TAB1: variants seen among roughly 807,000 people sequenced by gnomAD.
The protein encoded by TAB1 is TGF-beta-activated kinase 1 and MAP3K7-binding protein 1.
Under a neutral mutation model 54.5 loss-of-function variants are expected in TAB1, and 30 were observed. That is an observed-to-expected ratio of 0.55 (90% CI 0.41 to 0.75). The LOEUF (loss-of-function observed/expected upper bound fraction) is 0.75, where lower values mean the gene tolerates loss of function less well. Among genes scored for constraint, TAB1 ranks in the 30% least tolerant of loss-of-function variants. The pLI is 0.00. For synonymous variants in TAB1, 289 were observed against 286.9 expected, an observed-to-expected ratio of 1.01 and a Z score of -0.07; for missense variants, 609 against 683.2, an observed-to-expected ratio of 0.89 and a Z score of 1.21.
chr22:39,430,641 CTCA>C lies in TAB1; in HGVS notation c.*420_*422del. On this transcript the variant is annotated 3_prime_UTR_variant, in exon 11 of 11. Transcript: ENST00000216160. ...CACCCCTCCTCCCACCATCACCTCC[CTCA>C]CCTCGGGACAGTAGCCCTCCACTTC... is the stretch of plus-strand genomic sequence containing the variant. 1 of 1,093,994 alleles carries C rather than the reference CTCA, an allele frequency of 9.1e-7. No individual in the cohort carries two copies. The highest frequency in any genetic ancestry group is 2.7e-5 in the South Asian group (1 of 36,974). 67.8% of individuals were successfully genotyped at this position (1,093,994 alleles called of 1,614,324 possible).
chr22:39,399,861 C>T (rs368334794), intron 1 of TAB1, 26 bp downstream of exon 1: 791 of 1,586,664 alleles, frequency 5.0e-4, no homozygotes, highest in Non-Finnish European at 6.3e-4. Flanking sequence ...GCTCTCTGGG[C>T]TTGGGGTTGG....
At chr22:39,412,109 G>A (rs1342558156) in intron 1 of TAB1, among the ~76,000 whole-genome samples, 2 of 152,078 alleles carry the variant, frequency 1.3e-5, no homozygotes, top group East Asian at 1.9e-4. Flanking sequence ...GTGCAATCTC[G>A]GCTCATGGCA....
At chr22:39,421,693 T>C in intron 7 of TAB1, 134 bp from the exon 8 acceptor site, 1 of 972,484 alleles carries the variant, frequency 1.0e-6, no homozygotes, top group Non-Finnish European at 1.5e-6. Flanking sequence ...CTTCTCTTTC[T>C]CTCTTTTCTT....
intron 1 of TAB1, among the ~76,000 whole-genome samples, chr22:39,409,937 A>G (rs1157359533): frequency 6.6e-6 from 1 of 152,174 alleles, no homozygotes; most frequent in Non-Finnish European, 1.5e-5. Context: ...TGCTCAGCAG[A>G]TATTTATTGA....
rs368517909 is a variant in TAB1 at position 39,417,787 on chromosome 22, C to T, written c.488C>T (p.Ser163Leu). 1.1e-5 allele frequency: 17 copies of T among 1,613,260 alleles called. No homozygotes were observed. Among genetic ancestry groups the T allele is most frequent in the African/African-American group, 8.0e-5 (6 of 74,888 alleles). ...ERLKTLEREI[S>L]GGAMAVVAVL... ...CTCAAGACGTTAGAGAGGGAAATTT[C>T]GGGAGGGGCCATGGCCGTTGTGGCG... The change falls in exon 5 of 11, where the codon TCG (serine) becomes TTG (leucine). Residue 163 changes from serine to leucine, a missense_variant. Physicochemically the swap from Ser to Leu is moderately radical, Grantham distance 145 (BLOSUM62 -2). Transcript: ENST00000216160.
At chr22:39,413,723 C>G (rs942121396) in intron 1 of TAB1, among the ~76,000 whole-genome samples, 1 of 152,228 alleles carries the variant, frequency 6.6e-6, no homozygotes, top group Admixed American at 6.5e-5. Flanking sequence ...CTGCACCCAG[C>G]CAATACAAAT....
chr22:39,436,884 AC>A, downstream of TAB1: 1 of 347,444 alleles, frequency 2.9e-6, no homozygotes, highest in South Asian at 4.1e-5. Flanking sequence ...CCTGGTTAGG[AC>A]CCATGTTCTC....
chr22:39,414,620 C>T (rs1926744701), intron 1 of TAB1: 1 of 211,806 alleles, frequency 4.7e-6, no homozygotes, highest in Non-Finnish European at 9.7e-6. Context: ...GTAACCAATG[C>T]TCAAGGGATT....
At chr22:39,409,137 G>T (rs1040579651) in intron 1 of TAB1, among the ~76,000 whole-genome samples, 4 of 152,132 alleles carry the variant, frequency 2.6e-5, no homozygotes, top group African/African-American at 7.2e-5. Flanking sequence ...GCACTTTGGG[G>T]TGCTAAATAT....
chr22:39,429,270 A>G, intron 10 of TAB1: 1 of 985,414 alleles, frequency 1.0e-6, no homozygotes, highest in Non-Finnish European at 1.2e-6. Flanking sequence ...AGGGGGGCGA[A>G]GGAAGGTTTT....
intron 8 of TAB1, among the ~76,000 whole-genome samples, chr22:39,424,495 A>C (rs1601697581): frequency 7.9e-6 from 1 of 125,952 alleles, no homozygotes; most frequent in Admixed American, 1.1e-4. Context: ...GCCAAGCTGG[A>C]GTGCAGTGGT....
intron 1 of TAB1, among the ~76,000 whole-genome samples, chr22:39,408,340 G>A (rs1342430521): frequency 6.6e-6 from 1 of 152,158 alleles, no homozygotes; most frequent in Non-Finnish European, 1.5e-5. Context: ...GCATACAGTG[G>A]TCAGTAGATC....
Position 39,426,937 on chromosome 22 carries a change from G to A in TAB1, c.1144+12G>A. On this transcript the variant is annotated intron_variant, in intron 9 of 10. Transcript: ENST00000216160. ...GAGCCCAGCCCCAGGTACGTGTGCT[G>A]TGCAGACAGGCAGTGCCTGGGGATG... 2 of 1,605,582 alleles carry A rather than the reference G, an allele frequency of 1.2e-6. No homozygotes were observed. The highest frequency in any genetic ancestry group is 1.7e-5 in the Admixed American group (1 of 59,934).
intron 7 of TAB1, among the ~76,000 whole-genome samples, chr22:39,421,131 T>C (rs990390901): frequency 6.6e-6 from 1 of 152,124 alleles, no homozygotes; most frequent in African/African-American, 2.4e-5. Flanking sequence ...GCTGTGCCTA[T>C]TTCATGCATA....
rs766617018 is a variant in TAB1, at chr22:39,426,806, T to G, written c.1025T>G (p.Phe342Cys). 9.9e-6 allele frequency: 16 copies of G among 1,613,896 alleles called. No homozygotes were observed. In the Admixed American group the frequency reaches 1.0e-4, roughly 10 times the overall value. The change falls in exon 9 of 11, where the codon TTC (phenylalanine) becomes TGC (cysteine). Residue 342 changes from phenylalanine (F) to cysteine (C), a missense_variant. Transcript: ENST00000216160. ...DRVKRIHSDT[F>C]ASGGERARFC... ...GTGAAGCGCATCCACAGCGACACCTTCGCCAGTGGTGGGGAGCGTGCCAGG... is the reference window on the plus strand; with the variant it reads ...GTGAAGCGCATCCACAGCGACACCTGCGCCAGTGGTGGGGAGCGTGCCAGG...
chr22:39,436,408 A>G (rs1266763953), downstream of TAB1: 3 of 1,188,496 alleles, frequency 2.5e-6, no homozygotes, highest in East Asian at 2.3e-5. Context: ...AGGTTTAGAA[A>G]GTTGCCCAAG....
chr22:39,405,183 T>G (rs1336042314), intron 1 of TAB1, among the ~76,000 whole-genome samples: 1 of 152,210 alleles, frequency 6.6e-6, no homozygotes. Context: ...GTGGGTACTT[T>G]GTGAACTATT....
chr22:39,426,973 G>C (rs779248138), intron 9 of TAB1, 48 bp downstream of exon 9: 24 of 1,577,900 alleles, frequency 1.5e-5, no homozygotes, highest in Non-Finnish European at 2.1e-5. Context: ...CCATCTGGGG[G>C]CCAGAGGTGG....
intron 1 of TAB1, among the ~76,000 whole-genome samples, chr22:39,401,774 G>A (rs4821893): frequency 0.76 from 116,194 of 152,108 alleles, 45,243 homozygotes; most frequent in East Asian, 1. Context: ...AGGCCCCTCC[G>A]CCCTCATGAT....
Sources: gnomAD v4.1 joint callset for allele counts (sites outside exome capture counted in the v4.1 genomes callset) on GRCh38, gnomAD v4.1.1 for gene constraint, MANE v1.5 for transcripts, NCBI Gene and HGNC (gene_info 2026-07-23, HGNC 2026-07-21) for gene names.